The following DIAPH2 variants were observed in gnomAD, a reference collection of about 807,000 sequenced individuals.
The protein encoded by DIAPH2 is protein diaphanous homolog 2.
DIAPH2 carries 35 observed loss-of-function variants against 92.7 expected under a neutral mutation model. The observed-to-expected ratio is 0.38, with a 90% CI of 0.29 to 0.50. The LOEUF (loss-of-function observed/expected upper bound fraction) is 0.50. DIAPH2 is among the 20% of genes least tolerant of loss of function. DIAPH2 has a pLI of 0.94. For synonymous variants in DIAPH2, 301 were observed against 280.4 expected, an observed-to-expected ratio of 1.07 and a Z score of -0.73; for missense variants, 701 against 819.5, an observed-to-expected ratio of 0.86 and a Z score of 1.77.
intron 22 of DIAPH2, among the ~76,000 whole-genome samples, chrX:97,241,337 C>T (rs1809324826): frequency 9.2e-6 from 1 of 108,729 alleles, no homozygotes. Context: ...CTCGCTCTGT[C>T]GCCATGCTGG....
intron 23 of DIAPH2, among the ~76,000 whole-genome samples, chrX:97,285,019 C>A (rs1338782124): frequency 9.0e-6 from 1 of 111,320 alleles, no homozygotes; most frequent in Non-Finnish European, 1.9e-5. Context: ...AAGTCATTAA[C>A]CTAGCTGCAA....
chrX:96,884,715 G>A (rs1307148969), intron 5 of DIAPH2: 5 of 1,208,063 alleles, frequency 4.1e-6, no homozygotes, highest in Admixed American at 4.4e-5. Context: ...AATGTCCCAC[G>A]GGAACAAAGA....
intron 4 of DIAPH2, among the ~76,000 whole-genome samples, chrX:96,779,033 C>T (rs746990325): frequency 8.9e-5 from 10 of 112,172 alleles, no homozygotes; most frequent in Non-Finnish European, 1.9e-4. Flanking sequence ...TTCTCTGAAA[C>T]ATTTCACATG....
intron 22 of DIAPH2, among the ~76,000 whole-genome samples, chrX:97,143,994 G>A (rs2067225916): frequency 9.0e-6 from 1 of 111,612 alleles, no homozygotes; most frequent in African/African-American, 3.3e-5. Flanking sequence ...GGCTGGGAAA[G>A]GTGAAGGGTA....
chrX:97,507,003 GT>G (rs907944608), intron 26 of DIAPH2, among the ~76,000 whole-genome samples: 11 of 110,736 alleles, frequency 9.9e-5, no homozygotes, highest in Non-Finnish European at 1.9e-4. Context: ...TTAAAGAGTT[GT>G]AAAAACAAAG....
intron 23 of DIAPH2, among the ~76,000 whole-genome samples, chrX:97,283,494 G>A (rs781751256): frequency 3.6e-5 from 4 of 111,872 alleles, no homozygotes; most frequent in Admixed American, 1.9e-4. Context: ...CATATCTTAC[G>A]TCTAACAATG....
chrX:97,301,661 A>G (rs1215938669), intron 23 of DIAPH2, among the ~76,000 whole-genome samples: 2 of 111,789 alleles, frequency 1.8e-5, no homozygotes, highest in African/African-American at 6.5e-5. Context: ...GAATTAAAAG[A>G]GAAGGATTCA....
chrX:97,122,118 A>G (rs1439019435), intron 21 of DIAPH2, among the ~76,000 whole-genome samples: 1 of 111,769 alleles, frequency 8.9e-6, no homozygotes, highest in Admixed American at 9.5e-5. Context: ...TCAAGGAAGC[A>G]TTATAGAACC....
intron 23 of DIAPH2, among the ~76,000 whole-genome samples, chrX:97,298,098 A>G (rs1452530883): frequency 9.1e-6 from 1 of 109,691 alleles, no homozygotes; most frequent in Non-Finnish European, 1.9e-5. Flanking sequence ...TTTATAACTA[A>G]TGCTGTATTT....
intron 17 of DIAPH2, among the ~76,000 whole-genome samples, chrX:96,979,158 C>T (rs1460215567): frequency 8.9e-6 from 1 of 112,189 alleles, no homozygotes; most frequent in Non-Finnish European, 1.9e-5. Context: ...GGGAATTACT[C>T]AAGGGCATGA....
At chrX:97,392,174 A>G (rs2069665902) in intron 25 of DIAPH2, among the ~76,000 whole-genome samples, 1 of 111,869 alleles carries the variant, frequency 8.9e-6, no homozygotes, top group Non-Finnish European at 1.9e-5. Flanking sequence ...TTATCTCTTC[A>G]TGCCTCAGTT....
chrX:97,292,702 A>G (rs1302884360), intron 23 of DIAPH2, among the ~76,000 whole-genome samples: 1 of 110,343 alleles, frequency 9.1e-6, no homozygotes, highest in African/African-American at 3.3e-5. Context: ...ATGTGCCACC[A>G]TGCCCGGCTA....
chrX:96,953,264 T>G (rs980627581), intron 15 of DIAPH2, among the ~76,000 whole-genome samples: 8 of 111,582 alleles, frequency 7.2e-5, no homozygotes, highest in African/African-American at 2.3e-4. Flanking sequence ...AAATCCTGAG[T>G]TTCCCCTCAA....
At chrX:97,309,224 G>A (rs11797569) in intron 23 of DIAPH2, among the ~76,000 whole-genome samples, 37,779 of 106,702 alleles carry the variant, frequency 0.35, 6,256 homozygotes, top group Non-Finnish European at 0.49. Context: ...TCAGCCTCCC[G>A]AGTAGCTGGG....
chrX:97,330,157 T>G (rs2068988161), intron 23 of DIAPH2, among the ~76,000 whole-genome samples: 1 of 107,341 alleles, frequency 9.3e-6, no homozygotes, highest in Admixed American at 1.0e-4. Context: ...AAATAGAAGT[T>G]TGCCTATTTC....
intron 22 of DIAPH2, among the ~76,000 whole-genome samples, chrX:97,163,178 C>G (rs1488567690): frequency 1.8e-5 from 2 of 110,174 alleles, no homozygotes; most frequent in African/African-American, 6.6e-5. Flanking sequence ...CCTTTCTTTT[C>G]TTTTTCTTTG....
chrX:97,417,856 A>G (rs2147767174), intron 25 of DIAPH2, among the ~76,000 whole-genome samples: 1 of 109,390 alleles, frequency 9.1e-6, no homozygotes, highest in South Asian at 4.0e-4. Flanking sequence ...ATACATACAT[A>G]CCTATGATAA....
intron 17 of DIAPH2, among the ~76,000 whole-genome samples, chrX:97,070,036 T>C (rs1311409699): frequency 9.0e-6 from 1 of 111,724 alleles, no homozygotes; most frequent in Non-Finnish European, 1.9e-5. Context: ...ATAATGAGTA[T>C]CTTGATGTTA....
At chrX:97,279,543 A>C (rs2068480094) in intron 23 of DIAPH2, among the ~76,000 whole-genome samples, 2 of 110,197 alleles carry the variant, frequency 1.8e-5, no homozygotes, top group Admixed American at 9.8e-5. Flanking sequence ...ACTTCAAGTG[A>C]TCCACCAGCC....
Sources: allele counts gnomAD v4.1 joint callset (sites outside exome capture counted in the v4.1 genomes callset), GRCh38; gene constraint gnomAD v4.1.1; transcripts MANE v1.5; gene names NCBI Gene and HGNC (gene_info 2026-07-23, HGNC 2026-07-21).